Variants in KCNQ1 observed in about 807,000 individuals in gnomAD.
The protein encoded by KCNQ1 is potassium voltage-gated channel subfamily KQT member 1.
KCNQ1 carries 49 observed loss-of-function variants against 72.4 expected under a neutral mutation model. That is an observed-to-expected ratio of 0.68 (90% CI 0.54 to 0.86). The LOEUF (loss-of-function observed/expected upper bound fraction) is 0.86, where lower values mean the gene tolerates loss of function less well. Ranked by LOEUF, KCNQ1 falls within the 40% of genes least tolerant of loss-of-function variation. The probability of loss-of-function intolerance (pLI) is 0.00; values close to 1 mark genes in which losing one functional copy is unlikely to be tolerated. For missense variants in KCNQ1, 790 were observed against 945.1 expected, an observed-to-expected ratio of 0.84 and a Z score of 2.15; for synonymous variants, 450 against 412.6, an observed-to-expected ratio of 1.09 and a Z score of -1.10.
At chr11:2,794,138 G>C (rs1847084979) in intron 15 of KCNQ1, among the ~76,000 whole-genome samples, 2 of 152,218 alleles carry the variant, frequency 1.3e-5, no homozygotes, top group Admixed American at 1.3e-4. Context: ...AGGGTTACAG[G>C]CAGGTGAGGA....
At chr11:2,535,934 C>G (rs1847723956) in intron 2 of KCNQ1, among the ~76,000 whole-genome samples, 1 of 152,200 alleles carries the variant, frequency 6.6e-6, no homozygotes, top group Non-Finnish European at 1.5e-5. Context: ...GGATGCACAG[C>G]TGGGGGCAGG....
chr11:2,676,971 C>T lies in KCNQ1; in HGVS notation c.1514+14890C>T, dbSNP rs1850304931. ...TGTATTAAGACATCTAGCAAATCTC[C>T]TTTTCATTAACAGCTGCAGAGTTTC... On this transcript the variant is annotated intron_variant, in intron 11 of 15. Coordinates refer to ENST00000155840, the MANE Select transcript of KCNQ1 (RefSeq NM_000218.3). This position sits in a 1 kb window ranked among gnomAD's most constrained non-coding sequence, Gnocchi z 4.2. The T allele has an allele frequency of 5.0e-6, 2 of 398,628 alleles. No homozygotes were observed. Among genetic ancestry groups the T allele is most frequent in the South Asian group, 2.5e-4 (2 of 7,856 alleles). The allele number at this position is 398,628 out of a possible 1,614,324, so 24.7% of individuals were successfully genotyped here. A position where few individuals can be genotyped will look rare whatever the true frequency, so the allele number is the denominator to read the frequency against.
In KCNQ1 at chr11:2,579,443, C is replaced by T. The variant is rs1190119231; in HGVS notation, c.922-3992C>T. ...TGGTGCCCTGGCAAGGAGCCACGGC[C>T]CAGGAGACAGACATGTGGATCTGCA... is the stretch of plus-strand genomic sequence containing the variant. On this transcript the variant is annotated intron_variant, in intron 6 of 15. Coordinates refer to ENST00000155840, the MANE Select transcript of KCNQ1 (RefSeq NM_000218.3). The surrounding 1 kb of genome is among the most constrained non-coding windows in gnomAD (Gnocchi z 6.0). Among the ~76,000 whole-genome samples, 1 of 152,180 alleles carries T rather than the reference C, an allele frequency of 6.6e-6. No individual in the cohort carries two copies.
chr11:2,806,453 G>A (rs1847375938), intron 15 of KCNQ1, among the ~76,000 whole-genome samples: 1 of 152,182 alleles, frequency 6.6e-6, no homozygotes, highest in Non-Finnish European at 1.5e-5. Flanking sequence ...TTCCTTGTCT[G>A]TGGTGCCAGC....
Position 2,651,834 on chromosome 11 carries a change from C to T in KCNQ1, c.1394-10127C>T, listed in dbSNP as rs1029180679. Reference sequence around the variant, plus strand: ...TTGGAATGGAGCCCACAGGACCATACCAGACAGATGCCACCACATCTTTTC... The same window carrying T: ...TTGGAATGGAGCCCACAGGACCATATCAGACAGATGCCACCACATCTTTTC... On this transcript the variant is annotated intron_variant, in intron 10 of 15. Coordinates refer to ENST00000155840, the MANE Select transcript of KCNQ1 (RefSeq NM_000218.3). This position sits in a 1 kb window ranked among gnomAD's most constrained non-coding sequence, Gnocchi z 6.1. 1.3e-5 allele frequency: 5 copies of T among 398,540 alleles called. No homozygotes were observed. The highest frequency in any genetic ancestry group is 2.2e-5 in the Non-Finnish European group (5 of 226,102). 24.7% of individuals were successfully genotyped at this position (398,540 alleles called of 1,614,324 possible). A position where few individuals can be genotyped will look rare whatever the true frequency, so the allele number is the denominator to read the frequency against.
intron 11 of KCNQ1, among the ~76,000 whole-genome samples, chr11:2,714,219 G>T (rs930191436): frequency 1.3e-5 from 2 of 152,250 alleles, no homozygotes; most frequent in African/African-American, 4.8e-5. Flanking sequence ...GAGCATTCCA[G>T]CATTCCGCAT....
chr11:2,725,955 C>T lies in KCNQ1; in HGVS notation c.1515-42889C>T, dbSNP rs1845753446. Among the ~76,000 whole-genome samples, 1 of 152,210 alleles carries T rather than the reference C, an allele frequency of 6.6e-6. No individual in the cohort carries two copies. The highest frequency in any genetic ancestry group is 1.5e-5 in the Non-Finnish European group (1 of 68,042). ...AAACCCTAACCTTCGGGCTTCCCCA[C>T]TAATTTGTGATAAGGCCTCGCCAAG... On this transcript the variant is annotated intron_variant, in intron 11 of 15. Transcript: ENST00000155840. The surrounding 1 kb of genome is among the most constrained non-coding windows in gnomAD (Gnocchi z 7.2).
At chr11:2,749,219 A>T (rs1026661535) in intron 11 of KCNQ1, among the ~76,000 whole-genome samples, 1 of 152,154 alleles carries the variant, frequency 6.6e-6, no homozygotes, top group Non-Finnish European at 1.5e-5. Context: ...AGAGGATGCC[A>T]TGATTTCCAG....
intron 15 of KCNQ1, among the ~76,000 whole-genome samples, chr11:2,814,004 A>G (rs1564903087): frequency 6.7e-6 from 1 of 149,714 alleles, no homozygotes; most frequent in Non-Finnish European, 1.5e-5. Flanking sequence ...AAAGAAATGG[A>G]TGGATGGATG....
At chr11:2,831,777 G>A (rs1292981188) in intron 15 of KCNQ1, among the ~76,000 whole-genome samples, 1 of 125,162 alleles carries the variant, frequency 8.0e-6, no homozygotes, top group Non-Finnish European at 1.6e-5. Flanking sequence ...TCCCCCACCA[G>A]AGCCCTGGAA....
At chr11:2,534,051 A>C (rs1589935088) in intron 2 of KCNQ1, among the ~76,000 whole-genome samples, 1 of 147,116 alleles carries the variant, frequency 6.8e-6, no homozygotes, top group East Asian at 2.1e-4. Flanking sequence ...TGCAGCCTCC[A>C]CTGCCTGGGT....
At position 2,725,641 on chromosome 11, in the gene KCNQ1, G is replaced by A. The variant is rs536131326; in HGVS notation, c.1515-43203G>A. The stretch of plus-strand genomic sequence containing the variant: ...ACGTACCCTTTCCATGAGGCTGGGC[G>A]CCCTGCCCTGCCTTCAGTGCCAAAG... On this transcript the variant is annotated intron_variant, in intron 11 of 15. Coordinates refer to ENST00000155840, the MANE Select transcript of KCNQ1 (RefSeq NM_000218.3). This position sits in a 1 kb window ranked among gnomAD's most constrained non-coding sequence, Gnocchi z 7.2. Among the ~76,000 whole-genome samples, 2 of 152,232 alleles carry A rather than the reference G, an allele frequency of 1.3e-5. No individual in the cohort carries two copies. Among genetic ancestry groups the A allele is most frequent in the East Asian group, 1.9e-4 (1 of 5,172 alleles).
chr11:2,633,191 G>T (rs1849391748), intron 10 of KCNQ1: 1 of 398,500 alleles, frequency 2.5e-6, no homozygotes, highest in Non-Finnish European at 4.4e-6. Context: ...TCACATACCT[G>T]TTGGCCAGTT....
intron 11 of KCNQ1, chr11:2,697,792 C>A (rs1850704016): frequency 2.5e-6 from 1 of 398,512 alleles, no homozygotes; most frequent in African/African-American, 2.1e-5. Context: ...GGAACTTCTG[C>A]ATCTACATTC....
chr11:2,656,279 A>G (rs531168771), intron 10 of KCNQ1: 5 of 398,660 alleles, frequency 1.3e-5, no homozygotes, highest in South Asian at 1.3e-4. Context: ...CTCAGCCCCA[A>G]ATCTCTAAAA....
chr11:2,571,500 A>C lies in KCNQ1; in HGVS notation c.683+97A>C, dbSNP rs574733805. On this transcript the variant is annotated intron_variant, in intron 4 of 15. Transcript: ENST00000155840. The stretch of plus-strand genomic sequence containing the variant: ...CTCACGCCCCATCCACCTTGCTCAG[A>C]TGCAAGGTGCCTTGGTGCCCACTGC... 1.3e-4 allele frequency: 129 copies of C among 987,166 alleles called. 1 individual carries two copies. The African/African-American group carries it at 1.9e-3, about 15-fold the overall frequency. 61.2% of individuals were successfully genotyped at this position (987,166 alleles called of 1,614,324 possible).
intron 10 of KCNQ1, among the ~76,000 whole-genome samples, chr11:2,607,210 A>AT (rs1395537264): frequency 6.6e-6 from 1 of 152,058 alleles, no homozygotes; most frequent in Non-Finnish European, 1.5e-5. Flanking sequence ...GCCAACTGTG[A>AT]TTTTTAATAG....
At chr11:2,821,003 G>A (rs1049349960) in intron 15 of KCNQ1, among the ~76,000 whole-genome samples, 5 of 152,240 alleles carry the variant, frequency 3.3e-5, no homozygotes, top group African/African-American at 7.2e-5. Flanking sequence ...CCATCTAAGC[G>A]AGGGGTTCCT....
intron 10 of KCNQ1, chr11:2,622,746 G>A (rs1037222857): frequency 5.0e-6 from 2 of 398,382 alleles, no homozygotes; most frequent in African/African-American, 4.1e-5. Context: ...CAGTTTTAGG[G>A]TTCCAGCAAA....
Sources: allele counts gnomAD v4.1 joint callset (sites outside exome capture counted in the v4.1 genomes callset), GRCh38; gene constraint gnomAD v4.1.1; non-coding constraint Gnocchi (gnomAD v3.1); transcripts MANE v1.5; gene names NCBI Gene and HGNC (gene_info 2026-07-23, HGNC 2026-07-21).